HS6ST3: variants seen among roughly 807,000 people sequenced by gnomAD.
The protein encoded by HS6ST3 is heparan-sulfate 6-O-sulfotransferase 3.
A neutral mutation model predicts 36.7 loss-of-function variants in HS6ST3; 12 were observed. That is an observed-to-expected ratio of 0.33 (90% CI 0.21 to 0.53). HS6ST3 has a LOEUF of 0.53. Among genes scored for constraint, HS6ST3 ranks in the 20% least tolerant of loss-of-function variants. The pLI is 0.95. For synonymous variants in HS6ST3, 240 were observed against 257.5 expected (o/e 0.93, Z 0.65); for missense variants, 584 against 640.9 (o/e 0.91, Z 0.96).
At chr13:96,165,170 A>G (rs1206856370) in intron 1 of HS6ST3, among the ~76,000 whole-genome samples, 1 of 152,120 alleles carries the variant, frequency 6.6e-6, no homozygotes, top group African/African-American at 2.4e-5. Flanking sequence ...TTTAAAAGTT[A>G]TTTTAGGGGG....
At chr13:96,812,353 T>C (rs1438647389) in intron 1 of HS6ST3, among the ~76,000 whole-genome samples, 1 of 152,186 alleles carries the variant, frequency 6.6e-6, no homozygotes, top group Non-Finnish European at 1.5e-5. Flanking sequence ...TTTTTCCTTT[T>C]TACTTCCTCT....
intron 1 of HS6ST3, among the ~76,000 whole-genome samples, chr13:96,706,995 C>CT (rs1217069007): frequency 6.6e-6 from 1 of 152,166 alleles, no homozygotes; most frequent in Admixed American, 6.5e-5. Flanking sequence ...TGAAATCAGA[C>CT]TAATACAACA....
chr13:96,226,158 T>C (rs1027072940), intron 1 of HS6ST3, among the ~76,000 whole-genome samples: 2 of 152,154 alleles, frequency 1.3e-5, no homozygotes, highest in African/African-American at 4.8e-5. Context: ...TTAGAACACT[T>C]AAAAACAACC....
intron 1 of HS6ST3, among the ~76,000 whole-genome samples, chr13:96,206,603 G>T (rs1012835278): frequency 6.6e-6 from 1 of 151,992 alleles, no homozygotes; most frequent in Admixed American, 6.6e-5. Context: ...GCTGGTACAA[G>T]AACAGACACA....
Position 96,241,428 on chromosome 13 carries a change from GA to G in HS6ST3, c.707+149866del, listed in dbSNP as rs201011040. 3.6e-3 allele frequency among the ~76,000 whole-genome samples: 545 copies of G among 151,358 alleles called. 5 individuals are homozygous for G. The highest frequency in any genetic ancestry group is 0.012 in the African/African-American group (494 of 41,350). On this transcript the variant is annotated intron_variant, in intron 1 of 1. Coordinates refer to ENST00000376705, the MANE Select transcript of HS6ST3 (RefSeq NM_153456.4). Reference sequence around the variant, plus strand: ...TTATCCATGGACCTATGAAATAATTGAAAAAAAGCATTTAAATTAATAGTTC... The same window carrying G: ...TTATCCATGGACCTATGAAATAATTGAAAAAAGCATTTAAATTAATAGTTC...
At chr13:96,301,955 T>C (rs185239144) in intron 1 of HS6ST3, among the ~76,000 whole-genome samples, 313 of 148,548 alleles carry the variant, frequency 2.1e-3, no homozygotes, top group Non-Finnish European at 3.5e-3. Context: ...TTTCTAAAAG[T>C]AAGAAAAATA....
intron 1 of HS6ST3, among the ~76,000 whole-genome samples, chr13:96,674,185 T>C (rs1462366465): frequency 2.0e-5 from 3 of 152,050 alleles, no homozygotes; most frequent in African/African-American, 4.8e-5. Context: ...ATCTGGTTGT[T>C]TGTGGAAACG....
intron 1 of HS6ST3, among the ~76,000 whole-genome samples, chr13:96,282,446 A>C (rs1358667795): frequency 6.6e-6 from 1 of 152,166 alleles, no homozygotes; most frequent in Non-Finnish European, 1.5e-5. Flanking sequence ...TTGAATTCCC[A>C]TGCAGAGTAG....
intron 1 of HS6ST3, among the ~76,000 whole-genome samples, chr13:96,106,541 A>T (rs918419306): frequency 1.2e-4 from 19 of 152,240 alleles, no homozygotes; most frequent in Admixed American, 2.6e-4. Context: ...CCTGAGCCAG[A>T]TATGAACACT....
intron 1 of HS6ST3, among the ~76,000 whole-genome samples, chr13:96,810,176 T>C (rs547165531): frequency 1.7e-4 from 26 of 152,316 alleles, no homozygotes; most frequent in Middle Eastern, 3.4e-3. Flanking sequence ...CTGACAGAAC[T>C]AAGTACAGGG....
intron 1 of HS6ST3, among the ~76,000 whole-genome samples, chr13:96,484,798 G>A (rs1420342263): frequency 6.6e-6 from 1 of 152,150 alleles, no homozygotes; most frequent in African/African-American, 2.4e-5. Flanking sequence ...AAATAATGCT[G>A]CAATGAACAT....
chr13:96,304,915 T>A (rs2054904654), intron 1 of HS6ST3, among the ~76,000 whole-genome samples: 1 of 151,746 alleles, frequency 6.6e-6, no homozygotes, highest in African/African-American at 2.4e-5. Flanking sequence ...TTCACCATAT[T>A]GGCCAGGCTG....
At chr13:96,345,471 A>G (rs982606489) in intron 1 of HS6ST3, among the ~76,000 whole-genome samples, 4 of 152,020 alleles carry the variant, frequency 2.6e-5, no homozygotes, top group Non-Finnish European at 5.9e-5. Context: ...GATTCCAAAA[A>G]CCAGTAGATG....
In HS6ST3 at chr13:96,271,463, C is replaced by T. The variant is rs143944298; in HGVS notation, c.707+179894C>T. ...CACATCACTGACAATCACACAGTTACAGGTGTAATCAATTATTCAATGCCT... is the reference window on the plus strand; with the variant it reads ...CACATCACTGACAATCACACAGTTATAGGTGTAATCAATTATTCAATGCCT... On this transcript the variant is annotated intron_variant, in intron 1 of 1. Coordinates refer to ENST00000376705, the MANE Select transcript of HS6ST3 (RefSeq NM_153456.4). 2.9e-3 allele frequency among the ~76,000 whole-genome samples: 441 copies of T among 152,040 alleles called. 8 individuals carry two copies. The highest frequency in any genetic ancestry group is 9.6e-3 in the African/African-American group (397 of 41,348).
chr13:96,520,580 A>G (rs1302615797), intron 1 of HS6ST3, among the ~76,000 whole-genome samples: 1 of 152,086 alleles, frequency 6.6e-6, no homozygotes, highest in Non-Finnish European at 1.5e-5. Context: ...CATCCCTTGT[A>G]AGTTGCATTC....
intron 1 of HS6ST3, among the ~76,000 whole-genome samples, chr13:96,204,257 G>A (rs2054358364): frequency 6.6e-6 from 1 of 152,076 alleles, no homozygotes; most frequent in Admixed American, 6.6e-5. Flanking sequence ...AGACAAAGAA[G>A]AGCATAACAT....
At chr13:96,695,414 C>T (rs561115751) in intron 1 of HS6ST3, among the ~76,000 whole-genome samples, 17 of 152,188 alleles carry the variant, frequency 1.1e-4, no homozygotes, top group East Asian at 5.8e-4. Context: ...CAATATATAA[C>T]GAAAGATTTT....
intron 1 of HS6ST3, among the ~76,000 whole-genome samples, chr13:96,352,543 T>C (rs1454875977): frequency 1.3e-5 from 2 of 152,162 alleles, no homozygotes; most frequent in African/African-American, 4.8e-5. Flanking sequence ...GGCCTAGTTT[T>C]GAATGCCACA....
intron 1 of HS6ST3, among the ~76,000 whole-genome samples, chr13:96,294,945 C>A (rs190488088): frequency 1.3e-5 from 2 of 152,092 alleles, no homozygotes; most frequent in Admixed American, 6.6e-5. Context: ...TGCTATAATT[C>A]TCTATAATTT....
Sources: gnomAD v4.1 joint callset for allele counts (sites outside exome capture counted in the v4.1 genomes callset) on GRCh38, gnomAD v4.1.1 for gene constraint, MANE v1.5 for transcripts, NCBI Gene and HGNC (gene_info 2026-07-23, HGNC 2026-07-21) for gene names.